The following CFAP46 variants were observed in gnomAD, a reference collection of about 807,000 sequenced individuals.
The protein encoded by CFAP46 is cilia- and flagella-associated protein 46.
In CFAP46, 245 loss-of-function variants were observed where a neutral mutation model predicts 325.7. That is an observed-to-expected ratio of 0.75 (90% confidence interval 0.68 to 0.84). The LOEUF is 0.84. Ranked by LOEUF, CFAP46 falls within the 40% of genes least tolerant of loss-of-function variation. CFAP46 has a pLI of 0.00. For synonymous variants in CFAP46, 1,523 were observed against 1,495.9 expected (o/e 1.02, Z -0.42); for missense variants, 3,346 against 3,543.0 (o/e 0.94, Z 1.41).
At chr10:132,906,430 C>T (rs1442857746) in intron 22 of CFAP46, among the ~76,000 whole-genome samples, 1 of 152,256 alleles carries the variant, frequency 6.6e-6, no homozygotes, top group Non-Finnish European at 1.5e-5. Flanking sequence ...TGCCTGCCAA[C>T]CGAGAAGAGT....
At chr10:132,885,018 T>C in intron 27 of CFAP46, 85 bp downstream of exon 27, 6 of 1,400,694 alleles carry the variant, frequency 4.3e-6, no homozygotes, top group East Asian at 2.5e-5. Flanking sequence ...CCACACCAGG[T>C]CCCTGCTGAG....
intron 8 of CFAP46, among the ~76,000 whole-genome samples, chr10:132,931,159 C>T (rs1490752441): frequency 1.2e-4 from 11 of 93,872 alleles, no homozygotes; most frequent in Non-Finnish European, 2.4e-4. Context: ...GACCTTCCTC[C>T]TCGCCACACA....
chr10:132,924,582 G>A, intron 11 of CFAP46, 114 bp downstream of exon 11: 1 of 1,047,180 alleles, frequency 9.5e-7, no homozygotes, highest in Non-Finnish European at 1.3e-6. Flanking sequence ...TACAGGGGGA[G>A]TCTGTTGCTT....
Position 132,832,685 on chromosome 10 carries a change from G to T in CFAP46, c.7117+673C>A. The T allele has an allele frequency of 4.4e-6, 2 of 450,568 alleles. No homozygotes were observed. The allele number at this position is 450,568 out of a possible 1,614,324, so 27.9% of individuals were successfully genotyped here. On this transcript the variant is annotated intron_variant, in intron 50 of 57. Coordinates refer to ENST00000368586, the MANE Select transcript of CFAP46 (RefSeq NM_001200049.3). The surrounding 1 kb of genome is among the most constrained non-coding windows in gnomAD (Gnocchi z 4.1). ...GCACGTACCGCAAGGGTAGCGCTCGGGGAAGCTTCACAACCGGGGCACGTC... is the reference window on the plus strand; with the variant it reads ...GCACGTACCGCAAGGGTAGCGCTCGTGGAAGCTTCACAACCGGGGCACGTC...
intron 19 of CFAP46, among the ~76,000 whole-genome samples, chr10:132,912,277 CCT>C (rs1849554227): frequency 3.5e-5 from 3 of 86,488 alleles, no homozygotes; most frequent in South Asian, 9.0e-4. Flanking sequence ...TCTCTCTTCT[CCT>C]CTCTCCTCCT....
At chr10:132,936,835 C>T (rs189707636) in intron 7 of CFAP46, 126 bp downstream of exon 7, 6 of 466,748 alleles carry the variant, frequency 1.3e-5, no homozygotes, top group Non-Finnish European at 1.8e-5. Flanking sequence ...TCTCCAGCCC[C>T]ACTCACTGCA....
chr10:132,888,824 G>T (rs1347312196), intron 25 of CFAP46, among the ~76,000 whole-genome samples: 1 of 50,560 alleles, frequency 2.0e-5, no homozygotes, highest in Non-Finnish European at 3.3e-5. Context: ...CCTGCCGCCT[G>T]CACCTGCCAC....
At chr10:132,916,136 G>A (rs1171143455) in intron 17 of CFAP46, among the ~76,000 whole-genome samples, 1 of 152,144 alleles carries the variant, frequency 6.6e-6, no homozygotes, top group Non-Finnish European at 1.5e-5. Context: ...CAATAGGAGG[G>A]AGAGCACAGC....
intron 9 of CFAP46, among the ~76,000 whole-genome samples, chr10:132,927,469 C>T (rs145139198): frequency 1.3e-4 from 20 of 152,254 alleles, no homozygotes; most frequent in Admixed American, 3.3e-4. Context: ...CGCAGCACCT[C>T]GGGATGGCTG....
rs1028815315 is a variant in CFAP46, at chr10:132,886,604, C to T, written c.3305-645G>A. ...TGGGATGGAACCCTCAGTGTCTGGG[C>T]GAGCTGCAGATGAACTTGAAGGGCC... On this transcript the variant is annotated intron_variant, in intron 25 of 57. Transcript: ENST00000368586. The surrounding 1 kb of genome is among the most constrained non-coding windows in gnomAD (Gnocchi z 5.8). 6.6e-6 allele frequency among the ~76,000 whole-genome samples: 1 copy of T among 152,166 alleles called. No individual in the cohort carries two copies. Among genetic ancestry groups the T allele is most frequent in the East Asian group, 1.9e-4 (1 of 5,190 alleles).
intron 44 of CFAP46, among the ~76,000 whole-genome samples, chr10:132,837,382 C>T (rs1848269868): frequency 1.3e-5 from 2 of 152,076 alleles, no homozygotes; most frequent in South Asian, 4.2e-4. Context: ...CGGACACACA[C>T]AGATGCACGT....
intron 22 of CFAP46, among the ~76,000 whole-genome samples, chr10:132,899,869 G>A (rs556757306): frequency 1.3e-5 from 2 of 152,218 alleles, no homozygotes. Flanking sequence ...CAGGGATGCA[G>A]GGCAAGGGGC....
At position 132,833,443 on chromosome 10, in the gene CFAP46, A is replaced by C; in HGVS notation, c.7032T>G (p.Ser2344=). The part of the protein sequence containing the change: ...HLLELPLEGL[S]VFDEGTISSV... Reference sequence around the variant, plus strand: ...AGGAAATTGTCCCTTCATCGAACACAGAGAGACCTTCCAGTGGCAGCTCCA... The same window carrying C: ...AGGAAATTGTCCCTTCATCGAACACCGAGAGACCTTCCAGTGGCAGCTCCA... The change falls in exon 50 of 58, where the codon TCT becomes TCG. Residue 2344 remains serine (S), a synonymous_variant. Coordinates refer to ENST00000368586, the MANE Select transcript of CFAP46 (RefSeq NM_001200049.3). 6.2e-7 allele frequency: 1 copy of C among 1,614,240 alleles called. No homozygotes were observed.
chr10:132,900,262 G>T (rs1006151499), intron 22 of CFAP46, among the ~76,000 whole-genome samples: 1 of 152,156 alleles, frequency 6.6e-6, no homozygotes, highest in African/African-American at 2.4e-5. Flanking sequence ...GCCCCAGAAG[G>T]TCCACTCTGC....
chr10:132,814,666 C>A lies in CFAP46; in HGVS notation c.7249+20G>T. The A allele has an allele frequency of 6.3e-7, 1 of 1,586,538 alleles. No individual in the cohort carries two copies. Among genetic ancestry groups the A allele is most frequent in the South Asian group, 1.1e-5 (1 of 88,418 alleles). On this transcript the variant is annotated intron_variant, in intron 52 of 57. Coordinates refer to ENST00000368586, the MANE Select transcript of CFAP46 (RefSeq NM_001200049.3). ...CACAGGGCGGGGTCTGGGGCCCCCC[C>A]GGGGCCCATCAAAGGATACACTTGA...
intron 9 of CFAP46, among the ~76,000 whole-genome samples, chr10:132,927,513 G>C (rs902379135): frequency 1.3e-5 from 2 of 152,224 alleles, no homozygotes; most frequent in Non-Finnish European, 2.9e-5. Context: ...CCTCGGTGCC[G>C]GCCAGGATGG....
At chr10:132,894,084 T>C (rs1178391128) in intron 24 of CFAP46, among the ~76,000 whole-genome samples, 2 of 151,934 alleles carry the variant, frequency 1.3e-5, no homozygotes, top group East Asian at 1.9e-4. Flanking sequence ...GGTAACACGC[T>C]TTGAGGTTGC....
chr10:132,899,239 G>A, intron 23 of CFAP46, 118 bp from the exon 24 acceptor site: 1 of 1,167,252 alleles, frequency 8.6e-7, no homozygotes, highest in Non-Finnish European at 1.2e-6. Context: ...CTCCCTCCTG[G>A]GCATGTGGCT....
chr10:132,821,423 T>G (rs1847822143), intron 50 of CFAP46, among the ~76,000 whole-genome samples: 2 of 132,588 alleles, frequency 1.5e-5, no homozygotes, highest in African/African-American at 2.8e-5. Flanking sequence ...GTGTGAGCGC[T>G]GATGTGTGCT....
Sources: gnomAD v4.1 joint callset for allele counts (sites outside exome capture counted in the v4.1 genomes callset) on GRCh38, gnomAD v4.1.1 for gene constraint, Gnocchi (gnomAD v3.1) non-coding constraint, MANE v1.5 for transcripts, NCBI Gene and HGNC (gene_info 2026-07-23, HGNC 2026-07-21) for gene names.